Variants in FRAS1 observed in about 807,000 individuals in gnomAD.
The protein encoded by FRAS1 is extracellular matrix organizing protein FRAS1.
A neutral mutation model predicts 435.2 loss-of-function variants in FRAS1; 290 were observed. That is an observed-to-expected ratio of 0.67 (90% confidence interval 0.61 to 0.73). FRAS1 has a LOEUF of 0.73. FRAS1 is among the 30% of genes least tolerant of loss of function. The probability of loss-of-function intolerance (pLI) is 0.00; values close to 1 mark genes in which losing one functional copy is unlikely to be tolerated. For missense variants in FRAS1, 4,860 were observed against 5,001.5 expected (o/e 0.97, Z 0.85); for synonymous variants, 1,800 against 1,851.0 (o/e 0.97, Z 0.71).
chr4:78,060,701 T>G (rs1368059777), intron 1 of FRAS1, among the ~76,000 whole-genome samples: 2 of 152,208 alleles, frequency 1.3e-5, no homozygotes, highest in Admixed American at 1.3e-4. Flanking sequence ...CTCTTTGCGC[T>G]ATAGTTCTGT....
rs1449809358 is a variant in FRAS1, at chr4:78,542,467, T to C, written c.*1343T>C. On this transcript the variant is annotated 3_prime_UTR_variant, in exon 74 of 74. Coordinates refer to ENST00000512123, the MANE Select transcript of FRAS1 (RefSeq NM_025074.7). ...TTGAATTGGAGGCACAATTTCATTA[T>C]TCGAGAGTAAAAGACATGTCCTCTT... is the stretch of plus-strand genomic sequence containing the variant. The C allele has an allele frequency of 6.6e-6, 1 of 152,634 alleles. No individual in the cohort carries two copies. Among genetic ancestry groups the C allele is most frequent in the Non-Finnish European group, 1.5e-5 (1 of 68,026 alleles). 9.5% of individuals were successfully genotyped at this position (152,634 alleles called of 1,614,324 possible).
intron 63 of FRAS1, among the ~76,000 whole-genome samples, chr4:78,510,805 A>T (rs1721011461): frequency 1.3e-5 from 2 of 152,164 alleles, no homozygotes; most frequent in African/African-American, 4.8e-5. Context: ...CTGGGTAGGG[A>T]GATGGGATGA....
intron 2 of FRAS1, among the ~76,000 whole-genome samples, chr4:78,210,752 C>T (rs1723469158): frequency 1.3e-5 from 2 of 152,224 alleles, no homozygotes; most frequent in Admixed American, 1.3e-4. Context: ...AGTGAATTAT[C>T]TATATCTATA....
intron 15 of FRAS1, among the ~76,000 whole-genome samples, chr4:78,310,171 A>T (rs1183664448): frequency 1.3e-5 from 2 of 152,216 alleles, no homozygotes; most frequent in African/African-American, 4.8e-5. Context: ...TGAGCATGTT[A>T]ATCTTTTTCT....
At chr4:78,147,241 A>G (rs527834619) in intron 2 of FRAS1, among the ~76,000 whole-genome samples, 3 of 152,266 alleles carry the variant, frequency 2.0e-5, no homozygotes, top group East Asian at 3.9e-4. Context: ...CAATGAGTTT[A>G]CACTCTCTCA....
rs1205269826 is a variant in FRAS1 at position 78,058,133 on chromosome 4, T to C, written c.76+48T>C. The C allele has an allele frequency of 3.0e-6, 4 of 1,318,218 alleles. No individual in the cohort carries two copies. The East Asian group carries it at 7.3e-5, about 24-fold the overall frequency. 81.7% of individuals were successfully genotyped at this position (1,318,218 alleles called of 1,614,324 possible). On this transcript the variant is annotated intron_variant, in intron 1 of 73. Transcript: ENST00000512123. ...GTGTGTGTGTGTGCGTGTGCGTGTG[T>C]GTGTGTATGTGTGAGTGATCGTGCA...
intron 2 of FRAS1, among the ~76,000 whole-genome samples, chr4:78,133,162 C>T (rs147626167): frequency 6.6e-6 from 1 of 152,256 alleles, no homozygotes; most frequent in Admixed American, 6.5e-5. Flanking sequence ...GGTACTTATA[C>T]AAAGTGGAGT....
At position 78,521,505 on chromosome 4, in the gene FRAS1, C is replaced by T. The variant is rs780297969; in HGVS notation, c.10541-18C>T. 5 of 1,591,242 alleles carry T rather than the reference C, an allele frequency of 3.1e-6. No individual in the cohort carries two copies. In the Admixed American group the frequency reaches 8.5e-5, roughly 27 times the overall value. On this transcript the variant is annotated intron_variant, in intron 67 of 73. Coordinates refer to ENST00000512123, the MANE Select transcript of FRAS1 (RefSeq NM_025074.7). The stretch of plus-strand genomic sequence containing the variant: ...AATTTTCCATGCCCTAGCATTTTCT[C>T]TCTGCTTTCCTGCCCAGGAATCCAG...
intron 18 of FRAS1, among the ~76,000 whole-genome samples, chr4:78,324,765 C>T (rs1351845): frequency 0.3 from 39,548 of 133,782 alleles, 5,941 homozygotes; most frequent in Non-Finnish European, 0.33. Context: ...CAATTTAATT[C>T]CAGGCCAGGC....
chr4:78,345,082 T>C (rs1029010000), intron 20 of FRAS1, among the ~76,000 whole-genome samples: 29 of 152,376 alleles, frequency 1.9e-4, no homozygotes, highest in African/African-American at 6.7e-4. Context: ...GTTGTGGATC[T>C]GGGCCGTTAA....
chr4:78,241,510 C>G (rs1475643931), intron 3 of FRAS1, among the ~76,000 whole-genome samples: 1 of 152,058 alleles, frequency 6.6e-6, no homozygotes, highest in Non-Finnish European at 1.5e-5. Context: ...ATATAATCAC[C>G]TTAGGAGGGA....
chr4:78,445,945 T>C (rs1718809202), intron 42 of FRAS1: 2 of 1,304,920 alleles, frequency 1.5e-6, no homozygotes, highest in Admixed American at 3.6e-5. Context: ...ATTTGTTCGG[T>C]GTGAAAAACA....
In FRAS1 at chr4:78,206,360, T is replaced by A. The variant is rs1343508424; in HGVS notation, c.109-31150T>A. Among the ~76,000 whole-genome samples, 3 of 152,078 alleles carry A rather than the reference T, an allele frequency of 2.0e-5. No individual in the cohort carries two copies. The East Asian group carries it at 5.8e-4, about 29-fold the overall frequency. Reference sequence around the variant, plus strand: ...GGAACTGGAAGGGCAAGGAGACAGGTTCTCCCCTCGGAGCCTTAAGAAAGA... The same window carrying A: ...GGAACTGGAAGGGCAAGGAGACAGGATCTCCCCTCGGAGCCTTAAGAAAGA... On this transcript the variant is annotated intron_variant, in intron 2 of 73. Transcript: ENST00000512123.
At chr4:78,133,128 A>G (rs1719758758) in intron 2 of FRAS1, among the ~76,000 whole-genome samples, 1 of 152,214 alleles carries the variant, frequency 6.6e-6, no homozygotes, top group South Asian at 2.1e-4. Context: ...GTGTCCATCA[A>G]CAGATGAATG....
chr4:78,414,195 G>A (rs1045840794), intron 32 of FRAS1, among the ~76,000 whole-genome samples: 3 of 152,216 alleles, frequency 2.0e-5, no homozygotes, highest in African/African-American at 7.2e-5. Flanking sequence ...TATAAAGTCT[G>A]TAATTCATCA....
At chr4:78,415,312 T>C (rs923306483) in intron 32 of FRAS1, among the ~76,000 whole-genome samples, 2 of 152,144 alleles carry the variant, frequency 1.3e-5, no homozygotes, top group African/African-American at 4.8e-5. Flanking sequence ...GCATCACAAC[T>C]AAGGAACTTA....
chr4:78,424,024 T>C (rs946789900), intron 34 of FRAS1, among the ~76,000 whole-genome samples: 7 of 152,194 alleles, frequency 4.6e-5, no homozygotes, highest in African/African-American at 1.7e-4. Flanking sequence ...CACTCAGTTC[T>C]ACAATGGAAT....
intron 30 of FRAS1, among the ~76,000 whole-genome samples, chr4:78,405,628 T>C (rs1399220088): frequency 1.3e-5 from 2 of 152,324 alleles, no homozygotes; most frequent in South Asian, 4.1e-4. Context: ...TTCTCTAGGG[T>C]AATCAAATAT....
intron 2 of FRAS1, chr4:78,182,066 G>C (rs1191507820): frequency 1.0e-4 from 157 of 1,504,986 alleles, no homozygotes; most frequent in Non-Finnish European, 3.5e-6. Flanking sequence ...TCGGCGGCGG[G>C]TTCCTCTACG....
Sources: gnomAD v4.1 joint callset for allele counts (sites outside exome capture counted in the v4.1 genomes callset) on GRCh38, gnomAD v4.1.1 for gene constraint, MANE v1.5 for transcripts, NCBI Gene and HGNC (gene_info 2026-07-23, HGNC 2026-07-21) for gene names.